GRM5: variants seen among roughly 807,000 people sequenced by gnomAD.
GRM5 encodes glutamate metabotropic receptor 5, also known as metabotropic glutamate receptor 5.
In GRM5, 19 loss-of-function variants were observed where a neutral mutation model predicts 83.1. The ratio of observed to expected loss-of-function variants is 0.23; its 90% CI spans 0.16 to 0.34. The LOEUF is 0.34. Ranked by LOEUF, GRM5 falls within the 10% of genes least tolerant of loss-of-function variation. The pLI, the probability that GRM5 is intolerant of heterozygous loss-of-function variation, is 1.00. For missense variants in GRM5, 1,160 were observed against 1,588.3 expected (o/e 0.73, Z 4.58); for synonymous variants, 675 against 633.6 (o/e 1.07, Z -0.98).
chr11:89,028,481 G>C (rs371329043), intron 2 of GRM5, among the ~76,000 whole-genome samples: 12 of 152,112 alleles, frequency 7.9e-5, no homozygotes, highest in Non-Finnish European at 1.5e-5. Flanking sequence ...CTAGATCAGG[G>C]ACTGAGAAAG....
intron 4 of GRM5, among the ~76,000 whole-genome samples, chr11:88,611,885 T>C (rs1345666319): frequency 6.7e-6 from 1 of 148,422 alleles, no homozygotes; most frequent in Non-Finnish European, 1.5e-5. Flanking sequence ...CTCCTAATAC[T>C]GCTTTAGCTA....
intron 3 of GRM5, among the ~76,000 whole-genome samples, chr11:88,707,733 T>C (rs1048747094): frequency 2.6e-5 from 4 of 152,110 alleles, no homozygotes; most frequent in Non-Finnish European, 5.9e-5. Context: ...ACTTTCCATC[T>C]AATATATAAG....
chr11:88,763,010 G>A (rs1183040573), intron 3 of GRM5, among the ~76,000 whole-genome samples: 1 of 151,960 alleles, frequency 6.6e-6, no homozygotes, highest in East Asian at 1.9e-4. Context: ...ACAGACGTGG[G>A]AGACTACCAG....
chr11:88,851,056 T>A (rs1412315202), intron 2 of GRM5, among the ~76,000 whole-genome samples: 3 of 152,102 alleles, frequency 2.0e-5, no homozygotes, highest in Non-Finnish European at 4.4e-5. Context: ...TAGCAGTAAG[T>A]GGAGGGCTGA....
At chr11:88,804,828 A>T (rs1943471860) in intron 3 of GRM5, among the ~76,000 whole-genome samples, 1 of 152,168 alleles carries the variant, frequency 6.6e-6, no homozygotes, top group Non-Finnish European at 1.5e-5. Context: ...GAAACATAGG[A>T]GGGTGGCAGA....
At chr11:88,705,731 T>C (rs1403962833) in intron 3 of GRM5, among the ~76,000 whole-genome samples, 1 of 151,866 alleles carries the variant, frequency 6.6e-6, no homozygotes, top group Non-Finnish European at 1.5e-5. Flanking sequence ...GATTAATCTC[T>C]AAAAAATCCA....
intron 1 of GRM5, among the ~76,000 whole-genome samples, chr11:89,064,882 CTCTCTCTGTGTG>C (rs1361311652): frequency 1.8e-4 from 11 of 61,300 alleles, no homozygotes; most frequent in East Asian, 6.0e-4. Context: ...CTCTCTCTCT[CTCTCTCTGTGTG>C]TGTGTGTGTG....
intron 9 of GRM5, chr11:88,511,870 G>A (rs761003963): frequency 6.6e-6 from 1 of 152,186 alleles, no homozygotes; most frequent in Non-Finnish European, 1.5e-5. Flanking sequence ...AGAAACAGGT[G>A]TTTCGAAAGG....
intron 7 of GRM5, among the ~76,000 whole-genome samples, chr11:88,574,985 CT>C (rs796257304): frequency 0.016 from 1,905 of 116,110 alleles, 61 homozygotes; most frequent in East Asian, 0.14. Context: ...CTTTTCTTTT[CT>C]TTTTTTTTTT....
At chr11:88,852,569 A>G (rs1944405586) in intron 2 of GRM5, among the ~76,000 whole-genome samples, 1 of 152,058 alleles carries the variant, frequency 6.6e-6, no homozygotes, top group African/African-American at 2.4e-5. Flanking sequence ...ATAAAGTATT[A>G]TTTTCCCAGA....
At chr11:88,620,706 T>C (rs1390724613) in intron 4 of GRM5, among the ~76,000 whole-genome samples, 1 of 152,158 alleles carries the variant, frequency 6.6e-6, no homozygotes, top group Non-Finnish European at 1.5e-5. Context: ...ATCACATAAA[T>C]CATTCATCCT....
chr11:89,058,731 T>C (rs372771515), intron 1 of GRM5, among the ~76,000 whole-genome samples: 34 of 152,302 alleles, frequency 2.2e-4, no homozygotes, highest in African/African-American at 8.2e-4. Flanking sequence ...TTACCTTACA[T>C]TAAATATGCA....
At chr11:88,926,699 T>C (rs541621597) in intron 2 of GRM5, among the ~76,000 whole-genome samples, 32 of 152,320 alleles carry the variant, frequency 2.1e-4, no homozygotes, top group African/African-American at 7.7e-4. Flanking sequence ...GTATGCTCCA[T>C]TGGAACTAGA....
intron 3 of GRM5, among the ~76,000 whole-genome samples, chr11:88,781,185 T>C (rs10734172): frequency 0.72 from 108,161 of 149,632 alleles, 39,535 homozygotes; most frequent in African/African-American, 0.75. Flanking sequence ...CAGAGGCTTA[T>C]TTTGAAGAGC....
At chr11:89,024,297 C>T (rs1941073746) in intron 2 of GRM5, among the ~76,000 whole-genome samples, 2 of 152,190 alleles carry the variant, frequency 1.3e-5, no homozygotes, top group Admixed American at 1.3e-4. Flanking sequence ...TACATAAATA[C>T]AGGTTCAGAC....
chr11:88,867,027 G>A (rs778283599), intron 2 of GRM5, among the ~76,000 whole-genome samples: 6 of 151,960 alleles, frequency 3.9e-5, no homozygotes, highest in Non-Finnish European at 7.4e-5. Context: ...GGTTTGTGGT[G>A]TTATTTCTGA....
intron 2 of GRM5, among the ~76,000 whole-genome samples, chr11:88,951,502 G>C (rs763008228): frequency 6.6e-6 from 1 of 152,196 alleles, no homozygotes; most frequent in Admixed American, 6.5e-5. Flanking sequence ...GATGTGTCCT[G>C]TGTTTGCTTT....
intron 3 of GRM5, among the ~76,000 whole-genome samples, chr11:88,679,821 C>A (rs187890447): frequency 6.6e-6 from 1 of 152,246 alleles, no homozygotes; most frequent in Admixed American, 6.6e-5. Flanking sequence ...AAAGCTTTAC[C>A]ACATGCTCAA....
intron 3 of GRM5, among the ~76,000 whole-genome samples, chr11:88,710,594 C>A (rs1941260966): frequency 6.6e-6 from 1 of 152,070 alleles, no homozygotes; most frequent in South Asian, 2.1e-4. Flanking sequence ...AATAATAGGA[C>A]TCTAAAGGAT....
Sources: allele counts gnomAD v4.1 joint callset (sites outside exome capture counted in the v4.1 genomes callset), GRCh38; gene constraint gnomAD v4.1.1; transcripts MANE v1.5; gene names NCBI Gene and HGNC (gene_info 2026-07-23, HGNC 2026-07-21).